LHFPL4: variants seen among roughly 807,000 people sequenced by gnomAD.
LHFPL4 encodes the protein LHFPL tetraspan subfamily member 4, also known as LHFPL tetraspan subfamily member 4 protein.
A neutral mutation model predicts 20.0 loss-of-function variants in LHFPL4; 6 were observed. The ratio of observed to expected loss-of-function variants is 0.30; its 90% CI spans 0.16 to 0.59. LHFPL4 has a LOEUF of 0.59. Ranked by LOEUF, LHFPL4 falls within the 20% of genes least tolerant of loss-of-function variation. LHFPL4 has a pLI of 0.88. For synonymous variants in LHFPL4, 129 were observed against 143.8 expected, an observed-to-expected ratio of 0.90 and a Z score of 0.74; for missense variants, 215 against 331.2, an observed-to-expected ratio of 0.65 and a Z score of 2.72.
At chr3:9,520,477 C>T (rs1267279460) in intron 2 of LHFPL4, among the ~76,000 whole-genome samples, 1 of 151,968 alleles carries the variant, frequency 6.6e-6, no homozygotes, top group African/African-American at 2.4e-5. Flanking sequence ...TCTCAGCCTC[C>T]CAAGTAGCTG....
rs569354317 is a variant in LHFPL4 at position 9,522,657 on chromosome 3, C to T, written c.407-16454G>A. Among the ~76,000 whole-genome samples, 21 of 151,462 alleles carry T rather than the reference C, an allele frequency of 1.4e-4. 1 individual carries two copies. The highest frequency in any genetic ancestry group is 2.7e-4 in the Non-Finnish European group (18 of 67,846). On this transcript the variant is annotated intron_variant, in intron 2 of 3. Coordinates refer to ENST00000287585, the MANE Select transcript of LHFPL4 (RefSeq NM_198560.3). ...TCGGGAGGCTGAGAGGCAGGAGAAC[C>T]GCTTGAACCCAGGAGGTGGAGGCTG...
chr3:9,546,283 C>G (rs1326269216), intron 2 of LHFPL4, among the ~76,000 whole-genome samples: 2 of 150,914 alleles, frequency 1.3e-5, no homozygotes, highest in Non-Finnish European at 2.9e-5. Context: ...CCACTGCACT[C>G]CAGCCTAGGT....
intron 2 of LHFPL4, among the ~76,000 whole-genome samples, chr3:9,517,623 G>A (rs764151341): frequency 6.8e-6 from 1 of 147,418 alleles, no homozygotes; most frequent in Non-Finnish European, 1.5e-5. Context: ...TTGAGCCCAG[G>A]CCACAGTAAG....
chr3:9,513,211 C>T (rs1037146247), intron 2 of LHFPL4, among the ~76,000 whole-genome samples: 21 of 152,188 alleles, frequency 1.4e-4, no homozygotes, highest in Non-Finnish European at 2.1e-4. Flanking sequence ...CCGCCTGTCT[C>T]GGCCTCCGAA....
intron 2 of LHFPL4, among the ~76,000 whole-genome samples, chr3:9,513,853 A>G (rs2046279560): frequency 1.3e-5 from 2 of 152,128 alleles, no homozygotes; most frequent in Non-Finnish European, 2.9e-5. Flanking sequence ...ATCGACTGTA[A>G]TGGTAGGACA....
At chr3:9,518,884 G>T (rs1466882468) in intron 2 of LHFPL4, among the ~76,000 whole-genome samples, 2 of 150,580 alleles carry the variant, frequency 1.3e-5, no homozygotes, top group African/African-American at 4.9e-5. Flanking sequence ...CTCCCAAGTA[G>T]GTGGGATTAC....
At position 9,506,266 on chromosome 3, in the gene LHFPL4, G is replaced by A. The variant is rs2625890; in HGVS notation, c.407-63C>T. ...GAAGGAAGAGAAAAGACCATTACTC[G>A]CTAGTGTCCGCAGTCTGGGCCCCAC... On this transcript the variant is annotated intron_variant, in intron 2 of 3. Transcript: ENST00000287585. This position sits in a 1 kb window ranked among gnomAD's most constrained non-coding sequence, Gnocchi z 4.5. 6.8e-6 allele frequency: 9 copies of A among 1,329,864 alleles called. No individual in the cohort carries two copies. In the African/African-American group the frequency reaches 1.0e-4, roughly 15 times the overall value. 82.4% of individuals were successfully genotyped at this position (1,329,864 alleles called of 1,614,324 possible).
intron 2 of LHFPL4, among the ~76,000 whole-genome samples, chr3:9,538,702 CTTT>C (rs35357177): frequency 4.3e-5 from 6 of 140,082 alleles, no homozygotes; most frequent in Admixed American, 7.2e-5. Context: ...GGTTTTCTTT[CTTT>C]TTTTTTTTTT....
intron 2 of LHFPL4, among the ~76,000 whole-genome samples, chr3:9,521,867 A>T (rs1044636545): frequency 6.6e-6 from 1 of 152,072 alleles, no homozygotes; most frequent in African/African-American, 2.4e-5. Flanking sequence ...GTGGATTTAG[A>T]CCATTATATT....
intron 2 of LHFPL4, among the ~76,000 whole-genome samples, chr3:9,545,500 A>T (rs965910122): frequency 6.6e-6 from 1 of 152,070 alleles, no homozygotes; most frequent in Non-Finnish European, 1.5e-5. Context: ...ACATAGTGAG[A>T]CCCTGTCTCT....
At chr3:9,521,914 C>G (rs1216321505) in intron 2 of LHFPL4, among the ~76,000 whole-genome samples, 9 of 151,864 alleles carry the variant, frequency 5.9e-5, no homozygotes, top group Admixed American at 1.3e-4. Context: ...TAACATCTAC[C>G]ATATTTGTTA....
intron 2 of LHFPL4, among the ~76,000 whole-genome samples, chr3:9,508,980 G>A (rs1178696114): frequency 2.6e-5 from 4 of 152,300 alleles, no homozygotes; most frequent in South Asian, 2.1e-4. Flanking sequence ...GGTGCCAGAG[G>A]CGCGGGTCCT....
At chr3:9,531,654 T>C (rs558304553) in intron 2 of LHFPL4, among the ~76,000 whole-genome samples, 37 of 151,994 alleles carry the variant, frequency 2.4e-4, no homozygotes, top group African/African-American at 8.9e-4. Context: ...ATACAAACAT[T>C]AGCCAGGTGT....
intron 3 of LHFPL4, among the ~76,000 whole-genome samples, chr3:9,504,382 A>G (rs1463621918): frequency 2.4e-5 from 1 of 40,978 alleles, no homozygotes; most frequent in Non-Finnish European, 4.4e-5. Context: ...TGTCTCAAGG[A>G]AAAAAAAAAA....
At position 9,502,199 on chromosome 3, in the gene LHFPL4, G is replaced by T; in HGVS notation, c.*12C>A. 2 of 1,603,176 alleles carry T rather than the reference G, an allele frequency of 1.2e-6. No homozygotes were observed. The highest frequency in any genetic ancestry group is 8.5e-7 in the Non-Finnish European group (1 of 1,170,138). On this transcript the variant is annotated 3_prime_UTR_variant, in exon 4 of 4. Transcript: ENST00000287585. ...GAGGTCAGGCCAATTACTGGGCTGTGATCCTGGCCTTTCAGGGTCCCTGTG... is the reference window on the plus strand; with the variant it reads ...GAGGTCAGGCCAATTACTGGGCTGTTATCCTGGCCTTTCAGGGTCCCTGTG...
chr3:9,551,113 C>T (rs985395536), intron 2 of LHFPL4: 1 of 152,188 alleles, frequency 6.6e-6, no homozygotes, highest in Admixed American at 6.5e-5. Context: ...GATTACACCC[C>T]ATGCTCCAAA....
intron 2 of LHFPL4, among the ~76,000 whole-genome samples, chr3:9,545,233 G>T (rs570888090): frequency 5.9e-5 from 9 of 152,002 alleles, no homozygotes; most frequent in African/African-American, 2.2e-4. Flanking sequence ...AGGGAGAATT[G>T]GGGGAGGAAG....
rs2125653081 is a variant in LHFPL4 at position 9,499,280 on chromosome 3, C to G, written c.*2931G>C. 1 of 152,554 alleles carries G rather than the reference C, an allele frequency of 6.6e-6. No homozygotes were observed. Among genetic ancestry groups the G allele is most frequent in the East Asian group, 1.9e-4 (1 of 5,188 alleles). The allele number at this position is 152,554 out of a possible 1,614,324, so 9.5% of individuals were successfully genotyped here. On this transcript the variant is annotated 3_prime_UTR_variant, in exon 4 of 4. Coordinates refer to ENST00000287585, the MANE Select transcript of LHFPL4 (RefSeq NM_198560.3). ...TGATGTCTTTATTGCCCCAGGAGGGCCATCAGGGCCTCACCTGGGGCCCCC... is the reference window on the plus strand; with the variant it reads ...TGATGTCTTTATTGCCCCAGGAGGGGCATCAGGGCCTCACCTGGGGCCCCC...
At chr3:9,544,543 T>C (rs1274508950) in intron 2 of LHFPL4, among the ~76,000 whole-genome samples, 2 of 152,114 alleles carry the variant, frequency 1.3e-5, no homozygotes, top group Non-Finnish European at 2.9e-5. Context: ...GAGAATTGCG[T>C]GAACCCGGGA....
Sources: allele counts gnomAD v4.1 joint callset (sites outside exome capture counted in the v4.1 genomes callset), GRCh38; gene constraint gnomAD v4.1.1; non-coding constraint Gnocchi (gnomAD v3.1); transcripts MANE v1.5; gene names NCBI Gene and HGNC (gene_info 2026-07-23, HGNC 2026-07-21).